The following SCP2 variants were observed in gnomAD, a reference collection of about 807,000 sequenced individuals.
The protein encoded by SCP2 is sterol carrier protein 2, also known as SCP-2/3-oxoacyl-CoA thiolase.
SCP2 carries 48 observed loss-of-function variants against 71.4 expected under a neutral mutation model. That is an observed-to-expected ratio of 0.67 (90% CI 0.53 to 0.86). The LOEUF (loss-of-function observed/expected upper bound fraction) is 0.86, where lower values mean the gene tolerates loss of function less well. SCP2 is among the 40% of genes least tolerant of loss of function. The pLI is 0.00. For synonymous variants in SCP2, 220 were observed against 218.1 expected (o/e 1.01, Z -0.08); for missense variants, 560 against 655.6 (o/e 0.85, Z 1.59).
At chr1:52,972,271 G>C (rs1186701686) in intron 6 of SCP2, among the ~76,000 whole-genome samples, 3 of 152,130 alleles carry the variant, frequency 2.0e-5, no homozygotes, top group Non-Finnish European at 4.4e-5. Flanking sequence ...TGACATAAAG[G>C]CATAGCCTTT....
At chr1:52,960,314 T>C (rs1298016859) in intron 5 of SCP2, among the ~76,000 whole-genome samples, 3 of 151,858 alleles carry the variant, frequency 2.0e-5, no homozygotes, top group Non-Finnish European at 2.9e-5. Flanking sequence ...GTTTAATTTA[T>C]TCTTTATTTT....
chr1:53,050,724 T>C lies in SCP2; in HGVS notation c.*20T>C. 1 of 1,526,254 alleles carries C rather than the reference T, an allele frequency of 6.6e-7. No individual in the cohort carries two copies. Among genetic ancestry groups the C allele is most frequent in the Non-Finnish European group, 9.1e-7 (1 of 1,100,454 alleles). 94.5% of individuals were successfully genotyped at this position (1,526,254 alleles called of 1,614,324 possible). A position where few individuals can be genotyped will look rare whatever the true frequency, so the allele number is the denominator to read the frequency against. ...CTCTGAAGAACTCCCTTTGGCTACTTTTGAAAATCAAGATGAGATATATAG... is the reference window on the plus strand; with the variant it reads ...CTCTGAAGAACTCCCTTTGGCTACTCTTGAAAATCAAGATGAGATATATAG... On this transcript the variant is annotated 3_prime_UTR_variant, in exon 16 of 16. Coordinates refer to ENST00000371514, the MANE Select transcript of SCP2 (RefSeq NM_002979.5).
intron 13 of SCP2, 65 bp from the exon 14 acceptor site, chr1:53,038,852 A>C: frequency 6.3e-7 from 1 of 1,598,762 alleles, no homozygotes; most frequent in Non-Finnish European, 8.6e-7. Context: ...TTAAACATGA[A>C]TTTGCTTGAG....
chr1:52,967,573 G>A (rs960607634), intron 6 of SCP2, among the ~76,000 whole-genome samples: 35 of 152,102 alleles, frequency 2.3e-4, no homozygotes, highest in African/African-American at 8.5e-4. Flanking sequence ...CACTATCTTG[G>A]CTCACTGCAA....
At chr1:52,969,774 T>C (rs1305432750) in intron 6 of SCP2, among the ~76,000 whole-genome samples, 2 of 152,068 alleles carry the variant, frequency 1.3e-5, no homozygotes, top group African/African-American at 2.4e-5. Context: ...TGAGCTGAGA[T>C]TGCACCTCTG....
intron 14 of SCP2, among the ~76,000 whole-genome samples, chr1:53,046,355 A>T (rs1663818136): frequency 6.9e-6 from 1 of 145,396 alleles, no homozygotes; most frequent in East Asian, 2.0e-4. Context: ...TTTAAATTTC[A>T]GCCATTTGTT....
In SCP2 at chr1:53,014,824, A is replaced by G. The variant is rs375077937; in HGVS notation, c.1082-66A>G. On this transcript the variant is annotated intron_variant, in intron 11 of 15. Coordinates refer to ENST00000371514, the MANE Select transcript of SCP2 (RefSeq NM_002979.5). ...TCAAATGCTTTAATTTAAAGTCACA[A>G]ACATCCCTTTTCTGGCTTGAGAAAG... is the stretch of plus-strand genomic sequence containing the variant. The G allele has an allele frequency of 1.1e-5, 18 of 1,576,354 alleles. No individual in the cohort carries two copies. In the African/African-American group the frequency reaches 2.2e-4, roughly 19 times the overall value.
chr1:52,974,525 A>G (rs1394304715), intron 6 of SCP2, among the ~76,000 whole-genome samples: 1 of 152,206 alleles, frequency 6.6e-6, no homozygotes, highest in Non-Finnish European at 1.5e-5. Context: ...TTTAATTAGA[A>G]TAGATCAGTT....
chr1:53,035,750 A>G (rs1232998987), intron 13 of SCP2, among the ~76,000 whole-genome samples: 1 of 152,230 alleles, frequency 6.6e-6, no homozygotes, highest in Non-Finnish European at 1.5e-5. Flanking sequence ...GCTAACATTC[A>G]TTGAGTACTC....
At chr1:53,047,073 G>C (rs1288074408) in intron 14 of SCP2, among the ~76,000 whole-genome samples, 1 of 152,220 alleles carries the variant, frequency 6.6e-6, no homozygotes, top group South Asian at 2.1e-4. Context: ...AGTTCATTCA[G>C]GTTGCTGGCA....
chr1:52,964,215 T>TC (rs1656739118), intron 6 of SCP2, among the ~76,000 whole-genome samples: 2 of 110,044 alleles, frequency 1.8e-5, no homozygotes, highest in South Asian at 2.5e-4. Context: ...CTTTTCTCTC[T>TC]TTTTTTTTTT....
intron 14 of SCP2, among the ~76,000 whole-genome samples, chr1:53,043,807 C>G (rs964128755): frequency 1.3e-5 from 2 of 152,112 alleles, no homozygotes; most frequent in Admixed American, 1.3e-4. Context: ...TTTTTTACCT[C>G]GTGCTCTTTG....
At chr1:52,981,396 A>G (rs1438139360) in intron 10 of SCP2, among the ~76,000 whole-genome samples, 1 of 152,030 alleles carries the variant, frequency 6.6e-6, no homozygotes, top group Non-Finnish European at 1.5e-5. Context: ...GGAGTTTTGG[A>G]GACTTAATAT....
chr1:53,017,418 C>T (rs1661410747), intron 12 of SCP2, among the ~76,000 whole-genome samples: 1 of 152,202 alleles, frequency 6.6e-6, no homozygotes, highest in Non-Finnish European at 1.5e-5. Context: ...CCATGTAGTA[C>T]TCCTTTTTGC....
intron 11 of SCP2, chr1:52,995,836 G>T: frequency 9.2e-7 from 1 of 1,088,892 alleles, no homozygotes. Flanking sequence ...GGTGCATCTT[G>T]GAGCAGTTCA....
chr1:52,928,295 C>T (rs1224154787), intron 1 of SCP2, among the ~76,000 whole-genome samples: 1 of 152,220 alleles, frequency 6.6e-6, no homozygotes, highest in African/African-American at 2.4e-5. Context: ...AGACTGGGTA[C>T]CTGGCTTATT....
chr1:52,957,804 G>C (rs544250989), intron 5 of SCP2, among the ~76,000 whole-genome samples: 1 of 152,312 alleles, frequency 6.6e-6, no homozygotes, highest in East Asian at 1.9e-4. Flanking sequence ...GATCTATTTT[G>C]AGTTAATTTT....
At chr1:52,933,733 G>T (rs1653387183) in intron 1 of SCP2, among the ~76,000 whole-genome samples, 1 of 152,184 alleles carries the variant, frequency 6.6e-6, no homozygotes, top group African/African-American at 2.4e-5. Flanking sequence ...TCTAGCAGGG[G>T]TTCTCAAAAT....
At chr1:52,978,934 T>A (rs1002554008) in intron 9 of SCP2, among the ~76,000 whole-genome samples, 1 of 152,120 alleles carries the variant, frequency 6.6e-6, no homozygotes, top group Non-Finnish European at 1.5e-5. Context: ...GAGTACAAAA[T>A]GGAAAAAGTA....
Sources: gnomAD v4.1 joint callset for allele counts (sites outside exome capture counted in the v4.1 genomes callset) on GRCh38, gnomAD v4.1.1 for gene constraint, MANE v1.5 for transcripts, NCBI Gene and HGNC (gene_info 2026-07-23, HGNC 2026-07-21) for gene names.